The following IFT43 variants were observed in gnomAD, a reference collection of about 807,000 sequenced individuals.
The protein encoded by IFT43 is intraflagellar transport protein 43 homolog.
IFT43 carries 33 observed loss-of-function variants against 32.3 expected under a neutral mutation model. That is an observed-to-expected ratio of 1.02 (90% CI 0.77 to 1.37). The LOEUF (loss-of-function observed/expected upper bound fraction) is 1.37. IFT43 is among the 40% of genes most tolerant of loss of function. The probability of loss-of-function intolerance (pLI) is 0.00; values close to 1 mark genes in which losing one functional copy is unlikely to be tolerated. For synonymous variants in IFT43, 93 were observed against 98.2 expected (o/e 0.95, Z 0.31); for missense variants, 274 against 265.9 (o/e 1.03, Z -0.21).
chr14:76,057,288 A>G (rs1412495027), intron 3 of IFT43, among the ~76,000 whole-genome samples: 2 of 151,930 alleles, frequency 1.3e-5, no homozygotes, highest in Admixed American at 1.3e-4. Context: ...CTGGAGTGAA[A>G]TGGCGTGATC....
intron 3 of IFT43, among the ~76,000 whole-genome samples, chr14:76,034,453 T>C (rs977232532): frequency 6.6e-6 from 1 of 152,158 alleles, no homozygotes; most frequent in African/African-American, 2.4e-5. Flanking sequence ...CATAAGAATT[T>C]TGGGGAGACA....
At chr14:76,002,789 G>A (rs921215895) in intron 2 of IFT43, among the ~76,000 whole-genome samples, 2 of 152,228 alleles carry the variant, frequency 1.3e-5, no homozygotes, top group African/African-American at 4.8e-5. Context: ...ACTTTGGGGA[G>A]TGAAACAGGA....
At chr14:76,073,284 A>G (rs370050578) in intron 5 of IFT43, among the ~76,000 whole-genome samples, 6 of 152,302 alleles carry the variant, frequency 3.9e-5, no homozygotes, top group African/African-American at 1.2e-4. Flanking sequence ...GCTGGCAGGT[A>G]GCTGTTGCCT....
At chr14:75,988,665 C>A (rs1301050157) in intron 1 of IFT43, among the ~76,000 whole-genome samples, 1 of 152,134 alleles carries the variant, frequency 6.6e-6, no homozygotes, top group African/African-American at 2.4e-5. Flanking sequence ...ACTACAGGCG[C>A]CCGCCACAAC....
At chr14:76,056,011 A>G (rs1035741556) in intron 3 of IFT43, among the ~76,000 whole-genome samples, 1 of 152,204 alleles carries the variant, frequency 6.6e-6, no homozygotes, top group African/African-American at 2.4e-5. Context: ...GTTAAACTAA[A>G]AAGTTAAGAG....
intron 3 of IFT43, among the ~76,000 whole-genome samples, chr14:76,033,529 A>G (rs1297038420): frequency 6.6e-6 from 1 of 151,968 alleles, no homozygotes; most frequent in Non-Finnish European, 1.5e-5. Context: ...TTTTTTTTCC[A>G]TTCTTCAAAG....
chr14:76,053,986 G>A (rs1383549562), intron 3 of IFT43, among the ~76,000 whole-genome samples: 4 of 152,080 alleles, frequency 2.6e-5, no homozygotes, highest in African/African-American at 7.2e-5. Context: ...CATCCTTTAG[G>A]TCAAGTCCAT....
intron 3 of IFT43, among the ~76,000 whole-genome samples, chr14:76,039,715 A>G (rs1392877425): frequency 6.6e-6 from 1 of 152,214 alleles, no homozygotes; most frequent in African/African-American, 2.4e-5. Context: ...AGAGTGGGAT[A>G]TGAAACCTGA....
At chr14:75,991,955 T>C (rs1279819176) in intron 2 of IFT43, among the ~76,000 whole-genome samples, 1 of 152,216 alleles carries the variant, frequency 6.6e-6, no homozygotes, top group Non-Finnish European at 1.5e-5. Flanking sequence ...CCAAGACTTG[T>C]GTGTGTGCCC....
intron 5 of IFT43, among the ~76,000 whole-genome samples, chr14:76,080,405 G>A (rs1334702111): frequency 1.3e-5 from 2 of 152,184 alleles, no homozygotes; most frequent in Non-Finnish European, 2.9e-5. Flanking sequence ...GAAGCCTGTG[G>A]GGAGTGAGAG....
At chr14:76,056,697 TG>T (rs1199076584) in intron 3 of IFT43, among the ~76,000 whole-genome samples, 1 of 152,156 alleles carries the variant, frequency 6.6e-6, no homozygotes, top group Non-Finnish European at 1.5e-5. Flanking sequence ...CATCTACCCT[TG>T]GTGACATTAG....
chr14:76,001,466 G>A (rs183995016), intron 2 of IFT43, among the ~76,000 whole-genome samples: 16 of 152,278 alleles, frequency 1.1e-4, no homozygotes, highest in Admixed American at 3.3e-4. Context: ...GCAGGCATGC[G>A]ATATAGATTT....
chr14:76,081,509 A>C (rs2037510007), intron 5 of IFT43, among the ~76,000 whole-genome samples: 1 of 152,246 alleles, frequency 6.6e-6, no homozygotes, highest in Non-Finnish European at 1.5e-5. Context: ...GAGAACATGG[A>C]CAATTTTTGG....
chr14:76,047,678 C>T (rs1392399550), intron 3 of IFT43, among the ~76,000 whole-genome samples: 7 of 151,102 alleles, frequency 4.6e-5, no homozygotes, highest in Admixed American at 2.6e-4. Context: ...CAGGACTGCC[C>T]GCCCGCCTGC....
At chr14:76,022,198 C>T in intron 2 of IFT43, 129 bp from the exon 3 acceptor site, 1 of 744,070 alleles carries the variant, frequency 1.3e-6, no homozygotes, top group Non-Finnish European at 2.3e-6. Context: ...TTCCAGTGAG[C>T]TGAGGTCGCA....
intron 5 of IFT43, among the ~76,000 whole-genome samples, chr14:76,078,736 G>A (rs12164879): frequency 0.11 from 16,995 of 152,258 alleles, 1,062 homozygotes; most frequent in African/African-American, 0.18. Flanking sequence ...CGGTGGCACT[G>A]CCTGCCGGGG....
rs2036309805 is a variant in IFT43, at chr14:76,022,408, G to C, written c.215+14G>C. On this transcript the variant is annotated intron_variant, in intron 3 of 8. Transcript: ENST00000314067. ...GAAGGCTTCGAAGTGAGTACCAGCA[G>C]CTCATAAGAGTATGGGTGGGGGTGC... 6.6e-7 allele frequency: 1 copy of C among 1,515,592 alleles called. No individual in the cohort carries two copies. The highest frequency in any genetic ancestry group is 1.1e-5 in the South Asian group (1 of 88,972). 93.9% of individuals were successfully genotyped at this position (1,515,592 alleles called of 1,614,324 possible). A position where few individuals can be genotyped will look rare whatever the true frequency, so the allele number is the denominator to read the frequency against.
At chr14:76,009,910 T>A (rs2036049487) in intron 2 of IFT43, among the ~76,000 whole-genome samples, 1 of 152,076 alleles carries the variant, frequency 6.6e-6, no homozygotes, top group Admixed American at 6.5e-5. Flanking sequence ...TTCTCATGCC[T>A]CAGCCTCTGG....
intron 3 of IFT43, among the ~76,000 whole-genome samples, chr14:76,031,775 G>A (rs1198059286): frequency 6.6e-6 from 1 of 152,120 alleles, no homozygotes; most frequent in East Asian, 1.9e-4. Flanking sequence ...GTATTCACTT[G>A]CTTGGCTTTT....
Sources: gnomAD v4.1 joint callset for allele counts (sites outside exome capture counted in the v4.1 genomes callset) on GRCh38, gnomAD v4.1.1 for gene constraint, MANE v1.5 for transcripts, NCBI Gene and HGNC (gene_info 2026-07-23, HGNC 2026-07-21) for gene names.